Variants in FERMT1 observed in about 807,000 individuals in gnomAD.
FERMT1 encodes the protein FERM domain containing kindlin 1.
A neutral mutation model predicts 85.3 loss-of-function variants in FERMT1; 60 were observed. That is an observed-to-expected ratio of 0.70 (90% CI 0.57 to 0.87). The LOEUF (loss-of-function observed/expected upper bound fraction) is 0.87, where lower values mean the gene tolerates loss of function less well. FERMT1 is among the 40% of genes least tolerant of loss of function. FERMT1 has a pLI of 0.00. For synonymous variants in FERMT1, 275 were observed against 301.1 expected, an observed-to-expected ratio of 0.91 and a Z score of 0.90; for missense variants, 701 against 818.9, an observed-to-expected ratio of 0.86 and a Z score of 1.76.
In FERMT1 at chr20:6,076,996, G is replaced by T. The variant is rs1315581425; in HGVS notation, c.*177C>A. The T allele has an allele frequency of 2.9e-6, 2 of 679,804 alleles. No homozygotes were observed. The highest frequency in any genetic ancestry group is 5.2e-6 in the Non-Finnish European group (2 of 386,292). The allele number at this position is 679,804 out of a possible 1,614,324, so 42.1% of individuals were successfully genotyped here. A position where few individuals can be genotyped will look rare whatever the true frequency, so the allele number is the denominator to read the frequency against. ...GCTCCTTCCGTGGCTGGTAGCACAG[G>T]GCAAAGTAAGGAAAGGGATGTGCCA... On this transcript the variant is annotated 3_prime_UTR_variant, in exon 15 of 15. Coordinates refer to ENST00000217289, the MANE Select transcript of FERMT1 (RefSeq NM_017671.5).
At chr20:6,100,591 A>AT (rs1982636256) in intron 6 of FERMT1, among the ~76,000 whole-genome samples, 1 of 152,220 alleles carries the variant, frequency 6.6e-6, no homozygotes, top group Non-Finnish European at 1.5e-5. Flanking sequence ...AAACAGGTAA[A>AT]TGTATGGCAT....
At position 6,089,101 on chromosome 20, in the gene FERMT1, AAGAT is replaced by A; in HGVS notation, c.1140-16_1140-13del. ...GTAACTTCTTGGGCCTGCAAATTCA[AAGAT>A]AGTGAATGTTTAAACCACCACCCAG... On this transcript the variant is annotated splice_polypyrimidine_tract_variant and intron_variant, in intron 9 of 14. Coordinates refer to ENST00000217289, the MANE Select transcript of FERMT1 (RefSeq NM_017671.5). The A allele has an allele frequency of 3.1e-6, 5 of 1,609,856 alleles. No individual in the cohort carries two copies. Among genetic ancestry groups the A allele is most frequent in the Non-Finnish European group, 4.2e-6 (5 of 1,177,072 alleles).
At chr20:6,105,931 G>A (rs980948568) in intron 6 of FERMT1, among the ~76,000 whole-genome samples, 1 of 152,058 alleles carries the variant, frequency 6.6e-6, no homozygotes, top group African/African-American at 2.4e-5. Flanking sequence ...TAGAATAGAT[G>A]GCATACAACA....
chr20:6,084,315 T>TC (rs1035335361), intron 12 of FERMT1, 151 bp from the exon 13 acceptor site: 1 of 889,600 alleles, frequency 1.1e-6, no homozygotes, highest in African/African-American at 1.7e-5. Flanking sequence ...ATTCTCTCTC[T>TC]TTTTCTACAA....
At chr20:6,102,697 A>AAG (rs1555800448) in intron 6 of FERMT1, among the ~76,000 whole-genome samples, 18 of 129,070 alleles carry the variant, frequency 1.4e-4, no homozygotes, top group African/African-American at 4.7e-4. Flanking sequence ...AAAAAAAAAA[A>AAG]AAAAGAAAAG....
intron 9 of FERMT1, among the ~76,000 whole-genome samples, chr20:6,093,350 T>C (rs2123113230): frequency 6.6e-6 from 1 of 152,278 alleles, no homozygotes; most frequent in East Asian, 1.9e-4. Context: ...TGGCCAAATA[T>C]GAGGGCAATT....
intron 9 of FERMT1, among the ~76,000 whole-genome samples, chr20:6,091,992 G>A (rs558295214): frequency 1.1e-4 from 17 of 150,620 alleles, no homozygotes; most frequent in Admixed American, 4.0e-4. Flanking sequence ...ACTGGGTGGA[G>A]TGCAGTGGTG....
intron 6 of FERMT1, among the ~76,000 whole-genome samples, chr20:6,100,453 G>A (rs980197943): frequency 1.3e-5 from 2 of 152,120 alleles, no homozygotes; most frequent in African/African-American, 4.8e-5. Flanking sequence ...AGGGTAGGAG[G>A]GAACTGGGGA....
chr20:6,110,199 C>A, intron 5 of FERMT1, 99 bp downstream of exon 5: 4 of 1,059,276 alleles, frequency 3.8e-6, no homozygotes, highest in Non-Finnish European at 5.7e-6. Flanking sequence ...AAATAAAGCA[C>A]AATCCCTAGG....
At position 6,097,531 on chromosome 20, in the gene FERMT1, G is replaced by T. The variant is rs1228218420; in HGVS notation, c.950C>A (p.Ala317Asp). 5 of 1,609,914 alleles carry T rather than the reference G, an allele frequency of 3.1e-6. No individual in the cohort carries two copies. The highest frequency in any genetic ancestry group is 4.3e-6 in the Non-Finnish European group (5 of 1,176,214). Residue 317 changes from alanine (A) to aspartate (D), a missense_variant, in exon 7 of 15, where the codon GCT becomes GAT. Ala to Asp is a moderately radical substitution (Grantham distance 126). Coordinates refer to ENST00000217289, the MANE Select transcript of FERMT1 (RefSeq NM_017671.5). ...CTEEEMLIFAALQYHISKLSL... is the reference protein window; with the variant it reads ...CTEEEMLIFADLQYHISKLSL... ...GTACTGAAGTTCCCATACCTGTAGA[G>T]CTGCAAAGATCAACATTTCTTCCTC...
At chr20:6,112,149 T>C (rs894081624) in intron 4 of FERMT1, among the ~76,000 whole-genome samples, 11 of 152,170 alleles carry the variant, frequency 7.2e-5, no homozygotes, top group Non-Finnish European at 1.3e-4. Flanking sequence ...GTGCTGGGAT[T>C]ACAAGCATGA....
At chr20:6,117,441 T>C (rs1983132558) in intron 2 of FERMT1, among the ~76,000 whole-genome samples, 1 of 149,800 alleles carries the variant, frequency 6.7e-6, no homozygotes, top group Non-Finnish European at 1.5e-5. Context: ...TCTAATTTTT[T>C]TTTTTTTTTT....
At chr20:6,102,184 G>A (rs376720571) in intron 6 of FERMT1, among the ~76,000 whole-genome samples, 7 of 151,910 alleles carry the variant, frequency 4.6e-5, no homozygotes, top group African/African-American at 1.5e-4. Flanking sequence ...CTGGAGGCCT[G>A]TTCCCATTTC....
intron 13 of FERMT1, among the ~76,000 whole-genome samples, chr20:6,082,222 G>A (rs1016036883): frequency 2.6e-5 from 4 of 152,324 alleles, no homozygotes; most frequent in East Asian, 3.9e-4. Context: ...AGTTGTCACC[G>A]GAAAGTTGTT....
At chr20:6,092,741 C>T (rs1278999786) in intron 9 of FERMT1, among the ~76,000 whole-genome samples, 1 of 152,174 alleles carries the variant, frequency 6.6e-6, no homozygotes, top group Non-Finnish European at 1.5e-5. Flanking sequence ...GCAGGCGCTT[C>T]AGTTCTCACT....
At chr20:6,108,115 C>A (rs971095322) in intron 5 of FERMT1, among the ~76,000 whole-genome samples, 1 of 152,248 alleles carries the variant, frequency 6.6e-6, no homozygotes, top group Non-Finnish European at 1.5e-5. Flanking sequence ...ATCTGCCTGC[C>A]TTGGCCTCCC....
rs1373842038 is a variant in FERMT1 at position 6,085,135 on chromosome 20, G to A, written c.1524C>T (p.Leu508=). 2.5e-6 allele frequency: 4 copies of A among 1,614,156 alleles called. No homozygotes were observed. Among genetic ancestry groups the A allele is most frequent in the East Asian group, 2.2e-5 (1 of 44,876 alleles). ...RNSASQVASS[L]ENMDMNPECF... ...ATTCTGGGTTCATATCCATGTTTTCGAGACTGGAAGCCACCTGAGATGCAG... is the reference window on the plus strand; with the variant it reads ...ATTCTGGGTTCATATCCATGTTTTCAAGACTGGAAGCCACCTGAGATGCAG... Residue 508 remains leucine, a synonymous_variant, in exon 12 of 15, where the codon CTC becomes CTT. Transcript: ENST00000217289.
intron 9 of FERMT1, among the ~76,000 whole-genome samples, chr20:6,092,875 T>G (rs1982405342): frequency 6.6e-6 from 1 of 152,156 alleles, no homozygotes; most frequent in Non-Finnish European, 1.5e-5. Context: ...ATGCTGCGTT[T>G]GTAGAACTAG....
intron 6 of FERMT1, among the ~76,000 whole-genome samples, chr20:6,105,607 T>C (rs1235548753): frequency 6.6e-6 from 1 of 152,224 alleles, no homozygotes; most frequent in African/African-American, 2.4e-5. Context: ...TAAAAATATA[T>C]TACTATATAC....
Sources: allele counts gnomAD v4.1 joint callset (sites outside exome capture counted in the v4.1 genomes callset), GRCh38; gene constraint gnomAD v4.1.1; transcripts MANE v1.5; gene names NCBI Gene and HGNC (gene_info 2026-07-23, HGNC 2026-07-21).